PLPPR1: variants seen among roughly 807,000 people sequenced by gnomAD.
PLPPR1 encodes the protein phospholipid phosphatase related 1, also known as phospholipid phosphatase-related protein type 1.
Under a neutral mutation model 33.1 loss-of-function variants are expected in PLPPR1, and 10 were observed. The observed-to-expected ratio is 0.30, with a 90% CI of 0.19 to 0.51. The LOEUF (loss-of-function observed/expected upper bound fraction) is 0.51. Among genes scored for constraint, PLPPR1 ranks in the 20% least tolerant of loss-of-function variants. The pLI, the probability that PLPPR1 is intolerant of heterozygous loss-of-function variation, is 0.97. For synonymous variants in PLPPR1, 151 were observed against 151.0 expected (o/e 1.00, Z 0.00); for missense variants, 304 against 408.1 (o/e 0.74, Z 2.20).
intron 1 of PLPPR1, among the ~76,000 whole-genome samples, chr9:101,040,576 A>T (rs1830065137): frequency 6.6e-6 from 1 of 152,198 alleles, no homozygotes; most frequent in Non-Finnish European, 1.5e-5. Flanking sequence ...CTGTTAGCTC[A>T]GTCTGGAATG....
intron 1 of PLPPR1, chr9:101,126,011 G>A (rs1475297748): frequency 4.5e-6 from 1 of 221,100 alleles, no homozygotes; most frequent in Non-Finnish European, 8.7e-6. Flanking sequence ...CCTATGCAAA[G>A]CAGCCCATGA....
At chr9:101,058,986 A>G (rs1275882447) in intron 1 of PLPPR1, among the ~76,000 whole-genome samples, 2 of 152,176 alleles carry the variant, frequency 1.3e-5, no homozygotes, top group African/African-American at 4.8e-5. Context: ...CTAAAAGTAC[A>G]TACTTCCAGC....
intron 4 of PLPPR1, among the ~76,000 whole-genome samples, chr9:101,295,994 C>T (rs1258588907): frequency 6.6e-6 from 1 of 151,324 alleles, no homozygotes; most frequent in Non-Finnish European, 1.5e-5. Flanking sequence ...GCAAAAGAAA[C>T]TACCATCAGA....
chr9:101,070,285 G>A (rs187265844), intron 1 of PLPPR1, among the ~76,000 whole-genome samples: 14 of 152,064 alleles, frequency 9.2e-5, no homozygotes, highest in South Asian at 2.1e-4. Flanking sequence ...GTATGGACTC[G>A]TAGATGTTTA....
intron 1 of PLPPR1, among the ~76,000 whole-genome samples, chr9:101,070,101 ACCCCCTTCCGTACTTT>A (rs1396116749): frequency 6.6e-6 from 1 of 151,788 alleles, no homozygotes; most frequent in Non-Finnish European, 1.5e-5. Context: ...TTTTGTCCCT[ACCCCCTTCCGTACTTT>A]GGAAGGAATT....
intron 4 of PLPPR1, among the ~76,000 whole-genome samples, chr9:101,287,755 C>T (rs1407262455): frequency 2.6e-5 from 4 of 152,158 alleles, no homozygotes; most frequent in African/African-American, 9.7e-5. Context: ...CCTGCCTCAG[C>T]CTCCCAAAGT....
intron 2 of PLPPR1, among the ~76,000 whole-genome samples, chr9:101,253,494 T>C (rs1236648161): frequency 6.6e-6 from 1 of 151,960 alleles, no homozygotes; most frequent in Admixed American, 6.6e-5. Context: ...TGAGCCAAGA[T>C]CATGCCCCTG....
At chr9:101,317,139 T>C (rs1281157869) in intron 6 of PLPPR1, among the ~76,000 whole-genome samples, 1 of 152,184 alleles carries the variant, frequency 6.6e-6, no homozygotes, top group African/African-American at 2.4e-5. Context: ...TATTCTTATT[T>C]TACAGGTGAG....
chr9:101,203,488 A>G (rs1158081699), intron 2 of PLPPR1, among the ~76,000 whole-genome samples: 2 of 152,098 alleles, frequency 1.3e-5, no homozygotes, highest in African/African-American at 4.8e-5. Flanking sequence ...TGAAGCTTCT[A>G]GACTTCATTT....
Position 101,323,228 on chromosome 9 carries a change from C to T in PLPPR1, c.946-797C>T, listed in dbSNP as rs560401707. Among the ~76,000 whole-genome samples the T allele has an allele frequency of 6.6e-5, 10 of 152,236 alleles. No homozygotes were observed. In the East Asian group the frequency reaches 1.9e-3, roughly 29 times the overall value. On this transcript the variant is annotated intron_variant, in intron 7 of 7. Coordinates refer to ENST00000374874, the MANE Select transcript of PLPPR1 (RefSeq NM_207299.2). ...TAGGTGAAGATGCTAGGCACAGTAGCTTGTGCCTGTAATCCCAGCACTTCG... is the reference window on the plus strand; with the variant it reads ...TAGGTGAAGATGCTAGGCACAGTAGTTTGTGCCTGTAATCCCAGCACTTCG...
intron 1 of PLPPR1, among the ~76,000 whole-genome samples, chr9:101,154,155 A>G (rs958853569): frequency 6.6e-6 from 1 of 152,142 alleles, no homozygotes; most frequent in African/African-American, 2.4e-5. Context: ...CATCAGGGAT[A>G]TTGGTCTAAA....
intron 1 of PLPPR1, among the ~76,000 whole-genome samples, chr9:101,056,769 TG>T (rs1451144751): frequency 6.6e-6 from 1 of 152,110 alleles, no homozygotes; most frequent in Admixed American, 6.5e-5. Flanking sequence ...GTTCAGTAGG[TG>T]TGGAAGAGCT....
chr9:101,069,627 G>A (rs769337955), intron 1 of PLPPR1, among the ~76,000 whole-genome samples: 1 of 152,096 alleles, frequency 6.6e-6, no homozygotes, highest in East Asian at 1.9e-4. Flanking sequence ...TGACTGATCT[G>A]GGTGGAGTAT....
intron 7 of PLPPR1, among the ~76,000 whole-genome samples, chr9:101,321,844 TTTGA>T (rs1316287664): frequency 6.7e-6 from 1 of 148,366 alleles, no homozygotes; most frequent in Non-Finnish European, 1.5e-5. Flanking sequence ...ATCATTTAAT[TTTGA>T]TTGGTGACCT....
intron 1 of PLPPR1, among the ~76,000 whole-genome samples, chr9:101,040,880 C>T (rs1830069487): frequency 6.6e-6 from 1 of 151,944 alleles, no homozygotes; most frequent in Non-Finnish European, 1.5e-5. Context: ...CTGTCACACT[C>T]TATAAATTTA....
At chr9:101,044,132 T>C (rs1830117194) in intron 1 of PLPPR1, among the ~76,000 whole-genome samples, 1 of 152,120 alleles carries the variant, frequency 6.6e-6, no homozygotes, top group African/African-American at 2.4e-5. Flanking sequence ...AGGACTAATA[T>C]CCAGAATCTA....
intron 1 of PLPPR1, among the ~76,000 whole-genome samples, chr9:101,151,164 T>C (rs768102551): frequency 1.9e-4 from 29 of 152,176 alleles, no homozygotes; most frequent in Admixed American, 1.3e-3. Flanking sequence ...GTGTGGATTA[T>C]AGAAAATAGT....
chr9:101,157,680 G>C (rs575181456), intron 1 of PLPPR1, among the ~76,000 whole-genome samples: 4 of 152,244 alleles, frequency 2.6e-5, no homozygotes, highest in Admixed American at 2.6e-4. Flanking sequence ...CAAATCAAGA[G>C]AGTGGTGTCA....
chr9:101,319,468 T>TG (rs983332426), intron 7 of PLPPR1, among the ~76,000 whole-genome samples: 4 of 151,588 alleles, frequency 2.6e-5, no homozygotes, highest in African/African-American at 9.7e-5. Context: ...GGGCGGGGCT[T>TG]GGGGGGGTTG....
Sources: gnomAD v4.1 joint callset for allele counts (sites outside exome capture counted in the v4.1 genomes callset) on GRCh38, gnomAD v4.1.1 for gene constraint, MANE v1.5 for transcripts, NCBI Gene and HGNC (gene_info 2026-07-23, HGNC 2026-07-21) for gene names.